CNKSR3: variants seen among roughly 807,000 people sequenced by gnomAD.
CNKSR3 encodes connector enhancer of kinase suppressor of ras 3.
CNKSR3 carries 36 observed loss-of-function variants against 67.7 expected under a neutral mutation model. The ratio of observed to expected loss-of-function variants is 0.53; its 90% CI spans 0.41 to 0.70. The LOEUF is 0.70. Among genes scored for constraint, CNKSR3 ranks in the 30% least tolerant of loss-of-function variants. CNKSR3 has a pLI of 0.00. For synonymous variants in CNKSR3, 281 were observed against 271.4 expected, an observed-to-expected ratio of 1.04 and a Z score of -0.35; for missense variants, 630 against 695.2, an observed-to-expected ratio of 0.91 and a Z score of 1.05.
chr6:154,489,364 C>A (rs1407558838), intron 1 of CNKSR3, among the ~76,000 whole-genome samples: 3 of 152,088 alleles, frequency 2.0e-5, no homozygotes, highest in African/African-American at 7.2e-5. Flanking sequence ...AACCACATCT[C>A]GACTAAAAAT....
At chr6:154,496,052 C>A (rs1021805097) in intron 1 of CNKSR3, among the ~76,000 whole-genome samples, 5 of 152,172 alleles carry the variant, frequency 3.3e-5, no homozygotes, top group Non-Finnish European at 5.9e-5. Flanking sequence ...AAAAGACTTA[C>A]CTGGCCACCT....
chr6:154,506,536 C>T (rs1320256293), intron 1 of CNKSR3, among the ~76,000 whole-genome samples: 5 of 152,196 alleles, frequency 3.3e-5, no homozygotes, highest in Admixed American at 3.3e-4. Flanking sequence ...AGACTCCCTT[C>T]TGCCTGGAAT....
chr6:154,449,874 AATAG>A (rs1465634354), intron 2 of CNKSR3, among the ~76,000 whole-genome samples: 1 of 152,256 alleles, frequency 6.6e-6, no homozygotes, highest in Non-Finnish European at 1.5e-5. Flanking sequence ...TATTTACAAA[AATAG>A]ATAGTGGGCC....
chr6:154,487,059 G>C (rs559149241), intron 1 of CNKSR3, among the ~76,000 whole-genome samples: 73 of 151,638 alleles, frequency 4.8e-4, no homozygotes, highest in Admixed American at 2.7e-3. Flanking sequence ...CTACAGGCAC[G>C]TGCCACCACA....
intron 7 of CNKSR3, among the ~76,000 whole-genome samples, chr6:154,424,230 C>CAAAAAAA (rs56218677): frequency 2.7e-5 from 2 of 73,002 alleles, no homozygotes; most frequent in Non-Finnish European, 3.0e-5. Flanking sequence ...GACTCCGTCT[C>CAAAAAAA]AAAAAAAAAA....
intron 1 of CNKSR3, among the ~76,000 whole-genome samples, chr6:154,508,632 A>G (rs980440666): frequency 1.3e-5 from 2 of 152,238 alleles, no homozygotes; most frequent in East Asian, 3.8e-4. Context: ...TTTTAAGCTC[A>G]TGCTTCCTAC....
chr6:154,485,921 G>A lies in CNKSR3; in HGVS notation c.52+24142C>T, dbSNP rs140995760. Among the ~76,000 whole-genome samples the A allele has an allele frequency of 2.6e-3, 399 of 152,192 alleles. 2 individuals carry two copies. Among genetic ancestry groups the A allele is most frequent in the African/African-American group, 8.8e-3 (366 of 41,530 alleles). ...GCTGGTTTCCTTAATTGGGCTTGGCGCGACGGGACACCTTCCATCTGGGGC... is the reference window on the plus strand; with the variant it reads ...GCTGGTTTCCTTAATTGGGCTTGGCACGACGGGACACCTTCCATCTGGGGC... On this transcript the variant is annotated intron_variant, in intron 1 of 12. Coordinates refer to ENST00000607772, the MANE Select transcript of CNKSR3 (RefSeq NM_173515.4).
chr6:154,410,409 G>A lies in CNKSR3; in HGVS notation c.1303C>T (p.Pro435Ser). 1 of 1,614,000 alleles carries A rather than the reference G, an allele frequency of 6.2e-7. No homozygotes were observed. The change falls in exon 12 of 13, where the codon CCT (proline) becomes TCT (serine). Residue 435 changes from proline to serine, a missense_variant. Physicochemically the swap from Pro to Ser is moderately conservative, Grantham distance 74 (BLOSUM62 -1). Coordinates refer to ENST00000607772, the MANE Select transcript of CNKSR3 (RefSeq NM_173515.4). ...SYGKPRPLSM[P>S]ADGNWMGIVD... ...ATCCCCATCCAGTTCCCATCAGCAG[G>A]CATGGACAAAGGCCGTGGCTTGCCT... is the stretch of plus-strand genomic sequence containing the variant.
intron 1 of CNKSR3, among the ~76,000 whole-genome samples, chr6:154,453,107 A>T (rs1443221353): frequency 1.3e-5 from 2 of 152,268 alleles, no homozygotes; most frequent in Admixed American, 1.3e-4. Flanking sequence ...ACAAAGCATT[A>T]ACACTGAGAG....
rs766472909 is a variant in CNKSR3 at position 154,430,555 on chromosome 6, G to T, written c.586C>A (p.Arg196=). 6.2e-7 allele frequency: 1 copy of T among 1,611,314 alleles called. No homozygotes were observed. Among genetic ancestry groups the T allele is most frequent in the Non-Finnish European group, 8.5e-7 (1 of 1,178,776 alleles). The change falls in exon 6 of 13, where the codon CGA becomes AGA. Residue 196 remains arginine, a synonymous_variant. Coordinates refer to ENST00000607772, the MANE Select transcript of CNKSR3 (RefSeq NM_173515.4). ...CTCATCACAGGATCTGTGGTAGATC[G>T]GATTGTTTTGTCACAGATGCCATTT... The part of the protein sequence containing the change: ...VLNGICDKTI[R]STTDPVMSQC...
intron 1 of CNKSR3, among the ~76,000 whole-genome samples, chr6:154,479,412 G>A (rs527616578): frequency 6.6e-6 from 1 of 152,278 alleles, no homozygotes; most frequent in Admixed American, 6.5e-5. Flanking sequence ...AAGCCACGCT[G>A]ACAGCTGGCC....
chr6:154,435,360 A>G (rs1342284209), intron 4 of CNKSR3, among the ~76,000 whole-genome samples: 2 of 152,178 alleles, frequency 1.3e-5, no homozygotes, highest in East Asian at 3.9e-4. Context: ...GGCAGAGACC[A>G]ACTCTCAATA....
chr6:154,442,693 C>G (rs1785624852), intron 2 of CNKSR3, among the ~76,000 whole-genome samples: 1 of 152,076 alleles, frequency 6.6e-6, no homozygotes, highest in Non-Finnish European at 1.5e-5. Context: ...CAGTTAGTCA[C>G]TTGAAAAAAA....
chr6:154,482,560 T>G (rs1218422319), intron 1 of CNKSR3, among the ~76,000 whole-genome samples: 1 of 152,212 alleles, frequency 6.6e-6, no homozygotes, highest in African/African-American at 2.4e-5. Flanking sequence ...GTTAAGACAG[T>G]ATTCAATGTA....
At position 154,393,806 on chromosome 6, in the gene CNKSR3, A is replaced by G. The variant is rs771336585; in HGVS notation, c.*12548T>C. On this transcript the variant is annotated 3_prime_UTR_variant, in exon 13 of 13. Coordinates refer to ENST00000607772, the MANE Select transcript of CNKSR3 (RefSeq NM_173515.4). ...TCATAATAGAAATTAAAAATTAGTT[A>G]GAATTAAAGAGTAATGAAAATGCCA... 6.6e-6 allele frequency: 1 copy of G among 152,270 alleles called. No individual in the cohort carries two copies. The highest frequency in any genetic ancestry group is 1.5e-5 in the Non-Finnish European group (1 of 68,048). The allele number at this position is 152,270 out of a possible 1,614,324, so 9.4% of individuals were successfully genotyped here.
chr6:154,497,229 C>CA lies in CNKSR3; in HGVS notation c.52+12833dup, dbSNP rs200564208. Among the ~76,000 whole-genome samples the CA allele has an allele frequency of 7.4e-3, 1,075 of 144,326 alleles. 6 individuals are homozygous for CA. Among genetic ancestry groups the CA allele is most frequent in the Non-Finnish European group, 9.9e-3 (650 of 65,610 alleles). The allele number at this position is 144,326 out of a possible 152,430, so 94.7% of individuals were successfully genotyped here. A position where few individuals can be genotyped will look rare whatever the true frequency, so the allele number is the denominator to read the frequency against. ...ATGAGACCTCGTTTCTACTAAAGTT[C>CA]AAAAAAAAAAAATTAGCCAGGTGTG... On this transcript the variant is annotated intron_variant, in intron 1 of 12. Transcript: ENST00000607772.
At chr6:154,489,101 T>C (rs1786732587) in intron 1 of CNKSR3, among the ~76,000 whole-genome samples, 2 of 152,162 alleles carry the variant, frequency 1.3e-5, no homozygotes, top group African/African-American at 4.8e-5. Context: ...ATAACCTGTG[T>C]GTTCTTACAG....
At chr6:154,415,201 G>T (rs1017694674) in intron 9 of CNKSR3, among the ~76,000 whole-genome samples, 6 of 143,434 alleles carry the variant, frequency 4.2e-5, no homozygotes, top group Non-Finnish European at 9.2e-5. Flanking sequence ...CTCTGGATGT[G>T]ATCCTGGCTA....
At chr6:154,407,596 G>A (rs1276003312) in intron 12 of CNKSR3, among the ~76,000 whole-genome samples, 1 of 151,864 alleles carries the variant, frequency 6.6e-6, no homozygotes, top group South Asian at 2.1e-4. Flanking sequence ...CATCTCCCAG[G>A]CTCAAGCGAT....
Sources: allele counts gnomAD v4.1 joint callset (sites outside exome capture counted in the v4.1 genomes callset), GRCh38; gene constraint gnomAD v4.1.1; transcripts MANE v1.5; gene names NCBI Gene and HGNC (gene_info 2026-07-23, HGNC 2026-07-21).